LARP4B: variants seen among roughly 807,000 people sequenced by gnomAD.
LARP4B encodes the protein La ribonucleoprotein 4B.
In LARP4B, 12 loss-of-function variants were observed where a neutral mutation model predicts 89.8. That is an observed-to-expected ratio of 0.13 (90% CI 0.09 to 0.22). The LOEUF (loss-of-function observed/expected upper bound fraction) is 0.22. Among genes scored for constraint, LARP4B ranks in the 10% least tolerant of loss-of-function variants. The pLI, the probability that LARP4B is intolerant of heterozygous loss-of-function variation, is 1.00. For synonymous variants in LARP4B, 367 were observed against 363.3 expected (o/e 1.01, Z -0.12); for missense variants, 757 against 947.7 (o/e 0.80, Z 2.64).
At chr10:945,104 C>T in the LARP4B span, among the ~76,000 whole-genome samples, 1 of 152,122 alleles carries the variant, frequency 6.6e-6, no homozygotes, top group Non-Finnish European at 1.5e-5. Context: ...ATTTTTAAGG[C>T]TGGGCATGGT....
the LARP4B span, among the ~76,000 whole-genome samples, chr10:970,416 A>G: frequency 2.9e-3 from 442 of 152,278 alleles, 1 homozygote; most frequent in African/African-American, 9.8e-3. Context: ...GGATTAAGCA[A>G]TATCTTCCAC....
the LARP4B span, among the ~76,000 whole-genome samples, chr10:973,946 T>C: frequency 6.6e-6 from 1 of 152,184 alleles, no homozygotes; most frequent in Admixed American, 6.5e-5. Context: ...TCCATGACCT[T>C]AAGTTAGGTG....
At chr10:933,415 A>G (rs893605229), upstream of LARP4B, among the ~76,000 whole-genome samples, 4 of 151,996 alleles carry the variant, frequency 2.6e-5, no homozygotes, top group Admixed American at 6.5e-5. Flanking sequence ...CTGTGCTTAT[A>G]ATTTTTCGTA....
At chr10:976,607 C>T in the LARP4B span, among the ~76,000 whole-genome samples, 1 of 149,650 alleles carries the variant, frequency 6.7e-6, no homozygotes, top group Non-Finnish European at 1.5e-5. Context: ...AATGTGTGGC[C>T]CGGCTTAGTA....
chr10:807,038 G>A (rs1831583386), downstream of LARP4B: 1 of 152,282 alleles, frequency 6.6e-6, no homozygotes, highest in African/African-American at 2.4e-5. Flanking sequence ...CAGGGCACAG[G>A]CGGGCTAAAA....
chr10:839,298 T>C (rs979974263), intron 7 of LARP4B, among the ~76,000 whole-genome samples: 3 of 152,230 alleles, frequency 2.0e-5, no homozygotes, highest in Non-Finnish European at 4.4e-5. Context: ...TCATCAATTA[T>C]AACAAATGTT....
At chr10:988,237 T>C in the LARP4B span, 1 of 483,228 alleles carries the variant, frequency 2.1e-6, no homozygotes, top group Non-Finnish European at 3.7e-6. Context: ...GCGCTCCCCC[T>C]AAAACCCGGG....
intron 1 of LARP4B, among the ~76,000 whole-genome samples, chr10:923,939 T>C (rs1837061109): frequency 6.6e-6 from 1 of 152,216 alleles, no homozygotes; most frequent in South Asian, 2.1e-4. Context: ...TTAAGACATA[T>C]TTTATAAACA....
At chr10:815,107 C>A in intron 15 of LARP4B, 37 bp from the exon 16 acceptor site, 1 of 1,517,280 alleles carries the variant, frequency 6.6e-7, no homozygotes, top group South Asian at 1.3e-5. Context: ...AGAGTCCTGC[C>A]GGCACTAAGC....
chr10:916,048 T>G (rs1588987895), intron 1 of LARP4B, among the ~76,000 whole-genome samples: 1 of 152,180 alleles, frequency 6.6e-6, no homozygotes, highest in Non-Finnish European at 1.5e-5. Flanking sequence ...TTAATTGGTA[T>G]GTTAAAATTG....
At chr10:868,335 T>C (rs1387372462) in intron 3 of LARP4B, among the ~76,000 whole-genome samples, 1 of 151,058 alleles carries the variant, frequency 6.6e-6, no homozygotes, top group African/African-American at 2.4e-5. Context: ...CTACCTCCAG[T>C]TCTTTGTGAA....
At chr10:836,111 T>C (rs1055051199) in intron 8 of LARP4B, among the ~76,000 whole-genome samples, 1 of 152,198 alleles carries the variant, frequency 6.6e-6, no homozygotes, top group African/African-American at 2.4e-5. Context: ...TTTATGGGTT[T>C]ACTAATCTTA....
At chr10:982,815 T>C in the LARP4B span, among the ~76,000 whole-genome samples, 3 of 152,234 alleles carry the variant, frequency 2.0e-5, no homozygotes, top group Admixed American at 6.5e-5. Context: ...GCTATGAAGA[T>C]GATCAGCTGA....
intron 1 of LARP4B, among the ~76,000 whole-genome samples, chr10:896,658 T>C (rs1005562096): frequency 2.6e-5 from 4 of 152,202 alleles, no homozygotes; most frequent in African/African-American, 7.2e-5. Flanking sequence ...TTCTTGATAC[T>C]TAACATAGTA....
chr10:845,274 T>A lies in LARP4B; in HGVS notation c.431-219A>T, dbSNP rs548906648. 4.6e-5 allele frequency among the ~76,000 whole-genome samples: 7 copies of A among 152,082 alleles called. No individual in the cohort carries two copies. In the South Asian group the frequency reaches 1.0e-3, roughly 23 times the overall value. On this transcript the variant is annotated intron_variant, in intron 5 of 17. Coordinates refer to ENST00000316157, the MANE Select transcript of LARP4B (RefSeq NM_015155.3). The stretch of plus-strand genomic sequence containing the variant: ...ACAAAAACAGCACAGTTTAGAAAAA[T>A]AATCTAAGTCTCATTAGCAGAGTTC...
At position 810,525 on chromosome 10, in the gene LARP4B, G is replaced by A. The variant is rs953643181; in HGVS notation, c.*2401C>T. The A allele has an allele frequency of 1.3e-5, 2 of 152,198 alleles. No individual in the cohort carries two copies. Among genetic ancestry groups the A allele is most frequent in the South Asian group, 2.1e-4 (1 of 4,816 alleles). 9.4% of individuals were successfully genotyped at this position (152,198 alleles called of 1,614,324 possible). A position where few individuals can be genotyped will look rare whatever the true frequency, so the allele number is the denominator to read the frequency against. On this transcript the variant is annotated 3_prime_UTR_variant, in exon 18 of 18. Coordinates refer to ENST00000316157, the MANE Select transcript of LARP4B (RefSeq NM_015155.3). Reference sequence around the variant, plus strand: ...CATGCAGCTGTTGAGCTCCCACTTCGGTCGACAAAGTGAAGGACTAAGCTG... The same window carrying A: ...CATGCAGCTGTTGAGCTCCCACTTCAGTCGACAAAGTGAAGGACTAAGCTG...
intron 1 of LARP4B, among the ~76,000 whole-genome samples, chr10:916,164 A>T (rs561934494): frequency 2.0e-5 from 3 of 152,148 alleles, no homozygotes; most frequent in Non-Finnish European, 4.4e-5. Flanking sequence ...TGAAATCCTG[A>T]TATGTCTTGA....
upstream of LARP4B, among the ~76,000 whole-genome samples, chr10:932,038 C>T (rs936623509): frequency 3.3e-5 from 5 of 150,298 alleles, no homozygotes; most frequent in Non-Finnish European, 5.9e-5. Context: ...GCTGGGGGGC[C>T]GTGTGGGCCC....
intron 1 of LARP4B, among the ~76,000 whole-genome samples, chr10:905,919 C>A (rs888227106): frequency 1.3e-5 from 2 of 152,212 alleles, no homozygotes; most frequent in Admixed American, 6.5e-5. Context: ...CTACCCTCTT[C>A]CACTTCGTCA....
Sources: allele counts gnomAD v4.1 joint callset (sites outside exome capture counted in the v4.1 genomes callset), GRCh38; gene constraint gnomAD v4.1.1; transcripts MANE v1.5; gene names NCBI Gene and HGNC (gene_info 2026-07-23, HGNC 2026-07-21).